THOP1: variants seen among roughly 807,000 people sequenced by gnomAD.
THOP1 encodes thimet oligopeptidase.
In THOP1, 49 loss-of-function variants were observed where a neutral mutation model predicts 71.8. The ratio of observed to expected loss-of-function variants is 0.68; its 90% CI spans 0.54 to 0.87. The LOEUF (loss-of-function observed/expected upper bound fraction) is 0.87, where lower values mean the gene tolerates loss of function less well. Ranked by LOEUF, THOP1 falls within the 40% of genes least tolerant of loss-of-function variation. THOP1 has a pLI of 0.00. For missense variants in THOP1, 843 were observed against 975.6 expected (o/e 0.86, Z 1.81); for synonymous variants, 426 against 421.5 (o/e 1.01, Z -0.13).
chr19:2,790,515 C>G lies in THOP1; in HGVS notation c.111C>G (p.Thr37=), dbSNP rs747964165. The G allele has an allele frequency of 3.1e-6, 5 of 1,608,410 alleles. No individual in the cohort carries two copies. Among genetic ancestry groups the G allele is most frequent in the Non-Finnish European group, 3.4e-6 (4 of 1,177,526 alleles). Residue 37 remains threonine, a synonymous_variant, in exon 2 of 13, where the codon ACC becomes ACG. Transcript: ENST00000307741. Reference sequence around the variant, plus strand: ...GTGCCCAGCAGATAGAGGAGCGCACCAGGGAGCTCATCGAGCAGACCAAGC... The same window carrying G: ...GTGCCCAGCAGATAGAGGAGCGCACGAGGGAGCTCATCGAGCAGACCAAGC... ...DLSAQQIEER[T]RELIEQTKRV...
intron 3 of THOP1, among the ~76,000 whole-genome samples, chr19:2,795,119 C>G (rs184301863): frequency 6.6e-6 from 1 of 152,210 alleles, no homozygotes; most frequent in Non-Finnish European, 1.5e-5. Flanking sequence ...CCACTGTGCC[C>G]GGCCCATTTT....
chr19:2,796,110 C>T lies in THOP1; in HGVS notation c.408C>T (p.Pro136=), dbSNP rs371164634. The change falls in exon 4 of 13, where the codon CCC becomes CCT. Residue 136 remains proline (P), a synonymous_variant. Transcript: ENST00000307741. The stretch of plus-strand genomic sequence containing the variant: ...AAGTTCAGAAGGACTCACTGAGGCC[C>T]GAGGCTGCGCGGTACCTGGAGCGGC... ...QEKVQKDSLR[P]EAARYLERLI... The T allele has an allele frequency of 3.3e-5, 54 of 1,613,708 alleles. No individual in the cohort carries two copies. Among genetic ancestry groups the T allele is most frequent in the Non-Finnish European group, 4.2e-5 (50 of 1,179,956 alleles).
chr19:2,802,189 G>T (rs1007098761), intron 5 of THOP1, among the ~76,000 whole-genome samples: 4 of 142,850 alleles, frequency 2.8e-5, no homozygotes, highest in Admixed American at 2.8e-4. Context: ...CAACACCGCC[G>T]TCTCCCGATA....
chr19:2,793,556 G>C (rs1354329941), intron 2 of THOP1, among the ~76,000 whole-genome samples: 2 of 152,142 alleles, frequency 1.3e-5, no homozygotes, highest in African/African-American at 4.8e-5. Context: ...TGGGCGTGGT[G>C]GTGGGTACCT....
intron 5 of THOP1, among the ~76,000 whole-genome samples, chr19:2,800,842 T>TCCCGCGGCCACCCGCACCGTC (rs1458111637): frequency 6.6e-6 from 1 of 151,768 alleles, no homozygotes; most frequent in South Asian, 2.1e-4. Context: ...ACCCACGCCA[T>TCCCGCGGCCACCCGCACCGTC]CCCGCGGCCA....
In THOP1 at chr19:2,785,629, G is replaced by T; in HGVS notation, c.-34G>T. ...TGGCTGGACGCGTAGCAGGTGGAAG[G>T]AGGGAGGGAGCCGCAGGCGCAGACC... On this transcript the variant is annotated 5_prime_UTR_variant, in exon 1 of 13. It introduces an in-frame stop codon into an upstream open reading frame of the 5' UTR. Transcript: ENST00000307741. The T allele has an allele frequency of 1.3e-6, 2 of 1,507,114 alleles. No individual in the cohort carries two copies. Among genetic ancestry groups the T allele is most frequent in the Non-Finnish European group, 1.8e-6 (2 of 1,128,658 alleles). 93.4% of individuals were successfully genotyped at this position (1,507,114 alleles called of 1,614,324 possible). A position where few individuals can be genotyped will look rare whatever the true frequency, so the allele number is the denominator to read the frequency against.
chr19:2,800,759 A>G (rs562099256), intron 5 of THOP1, among the ~76,000 whole-genome samples: 1 of 152,158 alleles, frequency 6.6e-6, no homozygotes, highest in East Asian at 1.9e-4. Context: ...GACGGGCTAC[A>G]ATCTGCCGTA....
intron 9 of THOP1, among the ~76,000 whole-genome samples, chr19:2,809,041 G>A (rs1012396842): frequency 4.6e-5 from 7 of 152,214 alleles, no homozygotes; most frequent in Non-Finnish European, 1.0e-4. Context: ...ATCTGTCCTA[G>A]CACACAGTCA....
At chr19:2,799,509 C>A (rs1423723579) in intron 4 of THOP1, among the ~76,000 whole-genome samples, 180 bp from the exon 5 acceptor site, 1 of 152,216 alleles carries the variant, frequency 6.6e-6, no homozygotes, top group African/African-American at 2.4e-5. Context: ...AGCCTCGTGG[C>A]CTCCGTGTCT....
chr19:2,812,605 T>C (rs1350215552), intron 12 of THOP1, among the ~76,000 whole-genome samples: 10 of 152,174 alleles, frequency 6.6e-5, no homozygotes, highest in Admixed American at 2.0e-4. Context: ...GAGCTGGGAC[T>C]GTGGCTCCCT....
chr19:2,803,211 A>G (rs1223267224), intron 5 of THOP1, among the ~76,000 whole-genome samples: 1 of 152,192 alleles, frequency 6.6e-6, no homozygotes, highest in Non-Finnish European at 1.5e-5. Context: ...ACTGCCAGGG[A>G]GCAGCATTCC....
In THOP1 at chr19:2,805,332, G is replaced by A. The variant is rs188860672; in HGVS notation, c.750+156G>A. Among the ~76,000 whole-genome samples the A allele has an allele frequency of 1.3e-5, 2 of 152,332 alleles. No homozygotes were observed. The highest frequency in any genetic ancestry group is 6.5e-5 in the Admixed American group (1 of 15,304). ...TGGCCAGCAGAGGCCTCCCTGTGGG[G>A]CTCTGCCGTGCCCTGGAGGTGTCTG... On this transcript the variant is annotated intron_variant, in intron 6 of 12. Coordinates refer to ENST00000307741, the MANE Select transcript of THOP1 (RefSeq NM_003249.5). This position sits in a 1 kb window ranked among gnomAD's most constrained non-coding sequence, Gnocchi z 6.6.
intron 11 of THOP1, 90 bp downstream of exon 11, chr19:2,810,858 T>C: frequency 6.7e-7 from 1 of 1,494,918 alleles, no homozygotes; most frequent in Non-Finnish European, 8.9e-7. Flanking sequence ...CATGCTTCAC[T>C]TAGCAAGTGC....
chr19:2,810,871 G>A, intron 11 of THOP1, 103 bp downstream of exon 11: 1 of 1,470,376 alleles, frequency 6.8e-7, no homozygotes, highest in Non-Finnish European at 9.0e-7. Context: ...GCAAGTGCAG[G>A]AGTCCCTGCT....
intron 6 of THOP1, 70 bp from the exon 7 acceptor site, chr19:2,806,847 C>G: frequency 3.1e-6 from 5 of 1,604,664 alleles, no homozygotes; most frequent in Middle Eastern, 1.8e-4. Context: ...GGCCCTGGGA[C>G]AGGGCGTGCT....
At position 2,807,064 on chromosome 19, in the gene THOP1, T is replaced by G; in HGVS notation, c.886+12T>G. On this transcript the variant is annotated intron_variant, in intron 7 of 12. Coordinates refer to ENST00000307741, the MANE Select transcript of THOP1 (RefSeq NM_003249.5). Reference sequence around the variant, plus strand: ...GGCCACCTTCCTAGGTAGCCCTTCCTTCCTCCTCCACTGGGGTCCCTGTGG... The same window carrying G: ...GGCCACCTTCCTAGGTAGCCCTTCCGTCCTCCTCCACTGGGGTCCCTGTGG... 1 of 1,604,532 alleles carries G rather than the reference T, an allele frequency of 6.2e-7. No homozygotes were observed. The highest frequency in any genetic ancestry group is 8.5e-7 in the Non-Finnish European group (1 of 1,175,850).
chr19:2,797,576 C>G (rs1448541157), intron 4 of THOP1, among the ~76,000 whole-genome samples: 1 of 152,258 alleles, frequency 6.6e-6, no homozygotes, highest in African/African-American at 2.4e-5. Flanking sequence ...ATCCGATAGC[C>G]TTTGCCTTCG....
At position 2,808,461 on chromosome 19, in the gene THOP1, G is replaced by A. The variant is rs1342653528; in HGVS notation, c.1455+17G>A. On this transcript the variant is annotated intron_variant, in intron 9 of 12. Transcript: ENST00000307741. The stretch of plus-strand genomic sequence containing the variant: ...TGCTCCCAGGTGGGTGCGGGCCCGG[G>A]CAGGGGCAGGGGCAGGGGCAGGGGC... The A allele has an allele frequency of 1.4e-6, 2 of 1,441,064 alleles. No individual in the cohort carries two copies. Among genetic ancestry groups the A allele is most frequent in the Non-Finnish European group, 1.8e-6 (2 of 1,104,736 alleles). 89.3% of individuals were successfully genotyped at this position (1,441,064 alleles called of 1,614,324 possible). A position where few individuals can be genotyped will look rare whatever the true frequency, so the allele number is the denominator to read the frequency against.
chr19:2,798,537 T>C (rs956826254), intron 4 of THOP1, among the ~76,000 whole-genome samples: 4 of 152,218 alleles, frequency 2.6e-5, no homozygotes, highest in African/African-American at 9.6e-5. Context: ...GGGCCAGCGC[T>C]GTGTGCTCAT....
Sources: gnomAD v4.1 joint callset for allele counts (sites outside exome capture counted in the v4.1 genomes callset) on GRCh38, gnomAD v4.1.1 for gene constraint, Gnocchi (gnomAD v3.1) non-coding constraint, MANE v1.5 for transcripts, NCBI Gene and HGNC (gene_info 2026-07-23, HGNC 2026-07-21) for gene names.